The following RBFOX1 variants were observed in gnomAD, a reference collection of about 807,000 sequenced individuals.
The protein encoded by RBFOX1 is RNA binding protein fox-1 homolog 1.
RBFOX1 carries 8 observed loss-of-function variants against 57.7 expected under a neutral mutation model. The observed-to-expected ratio is 0.14, with a 90% CI of 0.08 to 0.25. The LOEUF (loss-of-function observed/expected upper bound fraction) is 0.25. RBFOX1 is among the 10% of genes least tolerant of loss of function. RBFOX1 has a pLI of 1.00. For missense variants in RBFOX1, 611 were observed against 548.5 expected (o/e 1.11, Z -1.14); for synonymous variants, 326 against 222.4 (o/e 1.47, Z -4.15).
intron 1 of RBFOX1, among the ~76,000 whole-genome samples, chr16:6,313,869 G>A (rs1022370724): frequency 1.3e-5 from 2 of 151,960 alleles, no homozygotes; most frequent in South Asian, 4.2e-4. Context: ...ACTCTAGAGA[G>A]CATATTAGGG....
chr16:6,105,119 A>G (rs17139424), intron 1 of RBFOX1, among the ~76,000 whole-genome samples: 1 of 152,156 alleles, frequency 6.6e-6, no homozygotes, highest in Non-Finnish European at 1.5e-5. Context: ...TAAAAAGGAA[A>G]CCATCTTACA....
At chr16:6,548,445 A>G (rs2096925562) in intron 2 of RBFOX1, among the ~76,000 whole-genome samples, 1 of 152,166 alleles carries the variant, frequency 6.6e-6, no homozygotes, top group Non-Finnish European at 1.5e-5. Flanking sequence ...CACAACCAGC[A>G]TAGAATTAGA....
chr16:5,405,715 G>A (rs2066846296), intron 1 of RBFOX1, among the ~76,000 whole-genome samples: 1 of 152,196 alleles, frequency 6.6e-6, no homozygotes, highest in South Asian at 2.1e-4. Flanking sequence ...TTGGTTTGCG[G>A]GGATAAGTTA....
chr16:6,849,842 G>C (rs2093971981), intron 3 of RBFOX1, among the ~76,000 whole-genome samples: 1 of 151,976 alleles, frequency 6.6e-6, no homozygotes, highest in African/African-American at 2.4e-5. Flanking sequence ...TTTGTCCGTT[G>C]TGCCTTATTT....
chr16:6,593,085 G>T (rs1372493204), intron 2 of RBFOX1, among the ~76,000 whole-genome samples: 1 of 152,166 alleles, frequency 6.6e-6, no homozygotes. Context: ...CCAGCTACTT[G>T]GGATGCTGAG....
intron 2 of RBFOX1, among the ~76,000 whole-genome samples, chr16:6,382,851 C>T (rs753206180): frequency 6.6e-6 from 1 of 152,206 alleles, no homozygotes; most frequent in Non-Finnish European, 1.5e-5. Flanking sequence ...CAGAGTGAGA[C>T]TCTGTCTCAA....
At chr16:6,091,741 G>C (rs1030536113) in intron 1 of RBFOX1, among the ~76,000 whole-genome samples, 1 of 152,182 alleles carries the variant, frequency 6.6e-6, no homozygotes, top group Admixed American at 6.5e-5. Context: ...GAGGCTGGGA[G>C]AATTGCTTGA....
At chr16:7,332,328 C>T (rs760807407) in intron 4 of RBFOX1, among the ~76,000 whole-genome samples, 2 of 152,204 alleles carry the variant, frequency 1.3e-5, no homozygotes, top group African/African-American at 4.8e-5. Context: ...TTAACTCTGT[C>T]TCTCTGCGTA....
rs146814266 is a variant in RBFOX1 at position 6,080,688 on chromosome 16, G to A, written c.-127+60696G>A. Among the ~76,000 whole-genome samples, 88 of 152,254 alleles carry A rather than the reference G, an allele frequency of 5.8e-4. No homozygotes were observed. In the East Asian group the frequency reaches 0.015, roughly 27 times the overall value. On this transcript the variant is annotated intron_variant, in intron 1 of 15. Coordinates refer to ENST00000550418, the MANE Select transcript of RBFOX1 (RefSeq NM_018723.4). ...ATTTTTAAAAGATGTACTCTTCTCT[G>A]AATGAATAATTTATTAAATATGAAA...
chr16:6,928,633 C>T (rs1010362377), intron 3 of RBFOX1, among the ~76,000 whole-genome samples: 1 of 152,138 alleles, frequency 6.6e-6, no homozygotes, highest in Non-Finnish European at 1.5e-5. Flanking sequence ...TCTCTAGCAG[C>T]CTTGCATTCA....
At chr16:6,772,934 G>C (rs1209893219) in intron 3 of RBFOX1, among the ~76,000 whole-genome samples, 1 of 146,978 alleles carries the variant, frequency 6.8e-6, no homozygotes, top group Non-Finnish European at 1.5e-5. Context: ...ACATTTGTGT[G>C]TGTGTGTGTA....
intron 3 of RBFOX1, among the ~76,000 whole-genome samples, chr16:6,770,251 C>T (rs934289278): frequency 5.9e-5 from 9 of 152,170 alleles, no homozygotes; most frequent in African/African-American, 2.2e-4. Context: ...GTACTTACCA[C>T]ATCTCCACAG....
Position 6,202,412 on chromosome 16 carries a change from A to T in RBFOX1, c.-126-114583A>T, listed in dbSNP as rs1325857181. Among the ~76,000 whole-genome samples the T allele has an allele frequency of 2.6e-5, 4 of 152,258 alleles. No individual in the cohort carries two copies. The South Asian group carries it at 6.2e-4, about 24-fold the overall frequency. On this transcript the variant is annotated intron_variant, in intron 1 of 15. Transcript: ENST00000550418. Reference sequence around the variant, plus strand: ...GCAGCTTTAAAGGTGCTTTGAGGTTATTCAATCCATCTTCTTTCTTTTAGA... The same window carrying T: ...GCAGCTTTAAAGGTGCTTTGAGGTTTTTCAATCCATCTTCTTTCTTTTAGA...
chr16:7,263,831 C>CT (rs1177854976), intron 4 of RBFOX1, among the ~76,000 whole-genome samples: 2 of 150,890 alleles, frequency 1.3e-5, no homozygotes, highest in Admixed American at 1.3e-4. Flanking sequence ...ACCCAGAAGG[C>CT]GGAGGTTGTG....
intron 1 of RBFOX1, among the ~76,000 whole-genome samples, chr16:6,132,846 G>C (rs982717080): frequency 6.6e-6 from 1 of 151,802 alleles, no homozygotes; most frequent in Non-Finnish European, 1.5e-5. Context: ...AATTAGCTGG[G>C]CATGGTGGCG....
At position 6,602,337 on chromosome 16, in the gene RBFOX1, A is replaced by C. The variant is rs60643928; in HGVS notation, c.-63-52266A>C. On this transcript the variant is annotated intron_variant, in intron 2 of 15. Transcript: ENST00000550418. ...TTTTAATTCTGAAAAAGTCCGACGT[A>C]TTCTTTTTCCTTTTTGTTGCCTGTA... Among the ~76,000 whole-genome samples, 583 of 152,202 alleles carry C rather than the reference A, an allele frequency of 3.8e-3. 4 individuals are homozygous for C. The highest frequency in any genetic ancestry group is 0.013 in the African/African-American group (552 of 41,536).
At chr16:7,358,548 G>A (rs2097261075) in intron 4 of RBFOX1, among the ~76,000 whole-genome samples, 1 of 152,066 alleles carries the variant, frequency 6.6e-6, no homozygotes, top group East Asian at 1.9e-4. Flanking sequence ...AGCCTCCCTA[G>A]CAGCTGGAAT....
intron 4 of RBFOX1, among the ~76,000 whole-genome samples, chr16:7,252,276 C>G (rs542760405): frequency 1.2e-4 from 18 of 152,174 alleles, no homozygotes; most frequent in Non-Finnish European, 2.5e-4. Context: ...AAATTTTAAG[C>G]TTTTCCTCCA....
chr16:5,362,236 G>C (rs1232365047), intron 1 of RBFOX1, among the ~76,000 whole-genome samples: 1 of 152,096 alleles, frequency 6.6e-6, no homozygotes, highest in Non-Finnish European at 1.5e-5. Context: ...CTGTCCCCAG[G>C]CTGGAGTGCA....
Sources: gnomAD v4.1 joint callset for allele counts (sites outside exome capture counted in the v4.1 genomes callset) on GRCh38, gnomAD v4.1.1 for gene constraint, MANE v1.5 for transcripts, NCBI Gene and HGNC (gene_info 2026-07-23, HGNC 2026-07-21) for gene names.